Variants in LRP4 observed in about 807,000 individuals in gnomAD.
LRP4 encodes LDL receptor related protein 4, also known as low-density lipoprotein receptor-related protein 4.
Under a neutral mutation model 220.3 loss-of-function variants are expected in LRP4, and 95 were observed. The observed-to-expected ratio is 0.43, with a 90% confidence interval of 0.37 to 0.51. The LOEUF (loss-of-function observed/expected upper bound fraction) is 0.51, where lower values mean the gene tolerates loss of function less well. Ranked by LOEUF, LRP4 falls within the 20% of genes least tolerant of loss-of-function variation. LRP4 has a pLI of 0.00. For missense variants in LRP4, 1,925 were observed against 2,567.0 expected (o/e 0.75, Z 5.40); for synonymous variants, 903 against 954.6 (o/e 0.95, Z 1.00).
chr11:46,911,819 C>T (rs1941863653), intron 1 of LRP4, among the ~76,000 whole-genome samples: 2 of 150,594 alleles, frequency 1.3e-5, no homozygotes, highest in Admixed American at 1.3e-4. Context: ...AGCCTGTTTC[C>T]CATCTGTAAG....
At chr11:46,872,592 A>G (rs1349087925) in intron 30 of LRP4, among the ~76,000 whole-genome samples, 1 of 151,996 alleles carries the variant, frequency 6.6e-6, no homozygotes, top group Admixed American at 6.5e-5. Context: ...AAAAATTTAG[A>G]AATTAGCTGG....
In LRP4 at chr11:46,876,743, C is replaced by G; in HGVS notation, c.3364+1G>C. The stretch of plus-strand genomic sequence containing the variant: ...GTCCCTGGGCTAGGAGGAAGGCCCA[C>G]CTGTGGTGATGATGTCCTCATGCTG... On this transcript the variant is annotated splice_donor_variant, in intron 24 of 37. Coordinates refer to ENST00000378623, the MANE Select transcript of LRP4 (RefSeq NM_002334.4). LOFTEE classifies it high-confidence loss of function. 1 of 1,614,182 alleles carries G rather than the reference C, an allele frequency of 6.2e-7. No individual in the cohort carries two copies. The highest frequency in any genetic ancestry group is 8.5e-7 in the Non-Finnish European group (1 of 1,180,024).
At chr11:46,911,631 C>T (rs1051773868) in intron 1 of LRP4, among the ~76,000 whole-genome samples, 1 of 151,276 alleles carries the variant, frequency 6.6e-6, no homozygotes, top group Non-Finnish European at 1.5e-5. Flanking sequence ...AAGTCTCTCT[C>T]CCTCAAGAAG....
At position 46,876,510 on chromosome 11, in the gene LRP4, C is replaced by T; in HGVS notation, c.3492G>A (p.Gln1164=). The part of the protein sequence containing the change: ...DGSMRKVLVW[Q]NLDSPRAIVL... ...CGATGGCCCGGGGACTGTCAAGGTT[C>T]TGCCACACCAACACTTTCCGCATGG... The change falls in exon 25 of 38, where the codon CAG becomes CAA. Residue 1164 remains glutamine, a synonymous_variant. Transcript: ENST00000378623. The T allele has an allele frequency of 1.2e-6, 2 of 1,614,246 alleles. No individual in the cohort carries two copies. The highest frequency in any genetic ancestry group is 1.7e-6 in the Non-Finnish European group (2 of 1,180,052).
rs1941033938 is a variant in LRP4 at position 46,876,838 on chromosome 11, G to A, written c.3278-8C>T. The A allele has an allele frequency of 4.3e-6, 7 of 1,611,094 alleles. No individual in the cohort carries two copies. The highest frequency in any genetic ancestry group is 5.9e-6 in the Non-Finnish European group (7 of 1,177,648). On this transcript the variant is annotated splice_region_variant and splice_polypyrimidine_tract_variant and intron_variant, in intron 23 of 37. Transcript: ENST00000378623. ...CAGACCAGTACACCTTTCCTGGAGA[G>A]GGAAAGCTTGGCTCAACCTAGACCC...
rs1196625449 is a variant in LRP4 at position 46,869,119 on chromosome 11, A to G, written c.4706T>C (p.Ile1569Thr). 1 of 1,614,116 alleles carries G rather than the reference A, an allele frequency of 6.2e-7. No individual in the cohort carries two copies. Among genetic ancestry groups the G allele is most frequent in the East Asian group, 2.2e-5 (1 of 44,874 alleles). ...CTTGGTCTGCCAGTCTGTCCAGTAGATCCACCTGTCTTGCTACTCAACAGG... is the reference window on the plus strand; with the variant it reads ...CTTGGTCTGCCAGTCTGTCCAGTAGGTCCACCTGTCTTGCTACTCAACAGG... ...PFALTQQDRW[I>T]YWTDWQTKSI... The change falls in exon 32 of 38, where the codon ATC becomes ACC. Residue 1569 changes from isoleucine (I) to threonine (T), a missense_variant. Ile to Thr is a moderately conservative substitution (Grantham distance 89). Around this residue, in one of 3 missense-constraint regions of LRP4, gnomAD observed 1,244 missense variants for 1,624.9 expected, o/e 0.77. Coordinates refer to ENST00000378623, the MANE Select transcript of LRP4 (RefSeq NM_002334.4).
rs144344406 is a variant in LRP4, at chr11:46,888,666, C to T, written c.2215+745G>A. Among the ~76,000 whole-genome samples, 20 of 151,144 alleles carry T rather than the reference C, an allele frequency of 1.3e-4. No individual in the cohort carries two copies. The East Asian group carries it at 4.0e-3, about 30-fold the overall frequency. On this transcript the variant is annotated intron_variant, in intron 16 of 37. Coordinates refer to ENST00000378623, the MANE Select transcript of LRP4 (RefSeq NM_002334.4). ...TGAATGTTTTCCCTAACCACACTCT[C>T]TAGAAAGGACCCAGGTCCCAGGAGA...
At position 46,898,549 on chromosome 11, in the gene LRP4, C is replaced by T; in HGVS notation, c.796+9G>A. The T allele has an allele frequency of 6.2e-7, 1 of 1,614,078 alleles. No individual in the cohort carries two copies. Among genetic ancestry groups the T allele is most frequent in the African/African-American group, 1.3e-5 (1 of 75,058 alleles). On this transcript the variant is annotated intron_variant, in intron 7 of 37. Transcript: ENST00000378623. ...TTCAAGCCCAACCTAATTCCATTTC[C>T]CCACTCACTGCAGTTGCGCTCATCA... is the stretch of plus-strand genomic sequence containing the variant.
chr11:46,877,054 G>C, intron 23 of LRP4, 145 bp downstream of exon 23: 1 of 1,018,594 alleles, frequency 9.8e-7, no homozygotes, highest in East Asian at 2.4e-5. Context: ...GAGTGCTAGA[G>C]AGACAGGGAC....
intron 23 of LRP4, 105 bp from the exon 24 acceptor site, chr11:46,876,935 A>G: frequency 1.0e-6 from 1 of 965,002 alleles, no homozygotes; most frequent in Non-Finnish European, 1.7e-6. Context: ...AGAGCTCTGG[A>G]GCCTCTAGCA....
chr11:46,857,306 G>A lies in LRP4; in HGVS notation c.*1677C>T, dbSNP rs1161299865. 1 of 152,218 alleles carries A rather than the reference G, an allele frequency of 6.6e-6. No individual in the cohort carries two copies. Among genetic ancestry groups the A allele is most frequent in the Non-Finnish European group, 1.5e-5 (1 of 68,056 alleles). The allele number at this position is 152,218 out of a possible 1,614,324, so 9.4% of individuals were successfully genotyped here. A position where few individuals can be genotyped will look rare whatever the true frequency, so the allele number is the denominator to read the frequency against. ...CTGGTATCTCTCTCTAGCAGTCTTA[G>A]AACTGACTAGAAAAGAATTGATCTT... On this transcript the variant is annotated 3_prime_UTR_variant, in exon 38 of 38. Transcript: ENST00000378623.
rs1274767999 is a variant in LRP4 at position 46,890,762 on chromosome 11, A to AT, written c.1698-269dup. On this transcript the variant is annotated intron_variant, in intron 13 of 37. Transcript: ENST00000378623. This position sits in a 1 kb window ranked among gnomAD's most constrained non-coding sequence, Gnocchi z 5.3. The stretch of plus-strand genomic sequence containing the variant: ...CAGCTAGTATCGCTACACCTAACTA[A>AT]TTTTTTTTTGTAGTAGAGATGAGGT... 2.0e-5 allele frequency among the ~76,000 whole-genome samples: 3 copies of AT among 150,828 alleles called. No individual in the cohort carries two copies. The highest frequency in any genetic ancestry group is 3.0e-5 in the Non-Finnish European group (2 of 67,630).
chr11:46,871,767 G>A (rs924700015), intron 30 of LRP4, 134 bp from the exon 31 acceptor site: 2 of 711,026 alleles, frequency 2.8e-6, no homozygotes, highest in Non-Finnish European at 5.1e-6. Flanking sequence ...CCCTCGATGA[G>A]GGGTCATTGT....
At chr11:46,878,808 G>A in intron 22 of LRP4, 99 bp downstream of exon 22, 1 of 1,549,984 alleles carries the variant, frequency 6.5e-7, no homozygotes. Flanking sequence ...CAGGACTCAT[G>A]GTTTCTCAGA....
At position 46,889,956 on chromosome 11, in the gene LRP4, G is replaced by A. The variant is rs1323412236; in HGVS notation, c.2080C>T (p.Arg694Cys). ...GGCAGTTTTTTACCTGCAGGTTGGC[G>A]CTGGGGGTGCAAGGTGTGGATGTCC... is the stretch of plus-strand genomic sequence containing the variant. ...PMDIHTLHPQ[R>C]QPAGKNRCGD... The change falls in exon 15 of 38, where the codon CGC becomes TGC. Residue 694 changes from arginine to cysteine, a missense_variant. Arg to Cys is a radical substitution (Grantham distance 180). Coordinates refer to ENST00000378623, the MANE Select transcript of LRP4 (RefSeq NM_002334.4). 37 of 1,614,070 alleles carry A rather than the reference G, an allele frequency of 2.3e-5. No individual in the cohort carries two copies. The highest frequency in any genetic ancestry group is 3.0e-5 in the Non-Finnish European group (35 of 1,180,044).
rs754016931 is a variant in LRP4, at chr11:46,873,565, C to T, written c.4258G>A (p.Glu1420Lys). The change falls in exon 29 of 38, where the codon GAG becomes AAG. Residue 1420 changes from glutamate to lysine, a missense_variant. This residue lies in a region of LRP4 where 1,244 missense variants were observed against 1,624.9 expected (regional missense o/e 0.77). Coordinates refer to ENST00000378623, the MANE Select transcript of LRP4 (RefSeq NM_002334.4). This position sits in a 1 kb window ranked among gnomAD's most constrained non-coding sequence, Gnocchi z 4.2. ...RRADLNGSNM[E>K]TVIGRGLKTT... ...TTCAGCCCTCGCCCGATCACTGTCT[C>T]CATGTTGCTGCCGTTCAGGTCTGCT... is the stretch of plus-strand genomic sequence containing the variant. The T allele has an allele frequency of 1.9e-5, 30 of 1,613,828 alleles. No individual in the cohort carries two copies. The highest frequency in any genetic ancestry group is 2.4e-5 in the Non-Finnish European group (28 of 1,179,842).
rs1437792303 is a variant in LRP4, at chr11:46,889,580, G to A, written c.2093-47C>T. The A allele has an allele frequency of 3.1e-6, 5 of 1,609,016 alleles. No homozygotes were observed. The Admixed American group carries it at 8.3e-5, about 27-fold the overall frequency. ...AGAGGATCAGCGAAGGTCTGCAAAAGTGACCCCAAGACTAGGGAATAGGGG... is the reference window on the plus strand; with the variant it reads ...AGAGGATCAGCGAAGGTCTGCAAAAATGACCCCAAGACTAGGGAATAGGGG... On this transcript the variant is annotated intron_variant, in intron 15 of 37. Transcript: ENST00000378623.
At chr11:46,897,462 G>C (rs1418690401) in intron 7 of LRP4, among the ~76,000 whole-genome samples, 9 of 150,478 alleles carry the variant, frequency 6.0e-5, no homozygotes, top group Admixed American at 4.0e-4. Context: ...TGGAGGGAAG[G>C]TCAGCAGATA....
rs1940422080 is a variant in LRP4, at chr11:46,857,906, G to T, written c.*1077C>A. ...AAGAACATAGGAAGTTCAACAGGAA[G>T]TTTGACCCTCATGGATACTTCTCTT... On this transcript the variant is annotated 3_prime_UTR_variant, in exon 38 of 38. Transcript: ENST00000378623. The T allele has an allele frequency of 6.6e-6, 1 of 152,650 alleles. No homozygotes were observed. The highest frequency in any genetic ancestry group is 2.1e-4 in the South Asian group (1 of 4,832). The allele number at this position is 152,650 out of a possible 1,614,324, so 9.5% of individuals were successfully genotyped here. A position where few individuals can be genotyped will look rare whatever the true frequency, so the allele number is the denominator to read the frequency against.
Sources: allele counts gnomAD v4.1 joint callset (sites outside exome capture counted in the v4.1 genomes callset), GRCh38; gene constraint gnomAD v4.1.1; regional missense constraint gnomAD v4.1.1; non-coding constraint Gnocchi (gnomAD v3.1); transcripts MANE v1.5; gene names NCBI Gene and HGNC (gene_info 2026-07-23, HGNC 2026-07-21).